The following SRBD1 variants were observed in gnomAD, a reference collection of about 807,000 sequenced individuals.
SRBD1 encodes S1 RNA binding domain 1, also known as S1 RNA-binding domain-containing protein 1.
In SRBD1, 88 loss-of-function variants were observed where a neutral mutation model predicts 115.3. The observed-to-expected ratio is 0.76, with a 90% CI of 0.64 to 0.91. SRBD1 has a LOEUF of 0.91. Ranked by LOEUF, SRBD1 falls within the 40% of genes least tolerant of loss-of-function variation. The pLI is 0.00. For missense variants in SRBD1, 1,385 were observed against 1,177.4 expected (o/e 1.18, Z -2.58); for synonymous variants, 509 against 407.7 (o/e 1.25, Z -2.99).
chr2:45,431,709 T>C (rs1668343260), intron 16 of SRBD1, among the ~76,000 whole-genome samples: 1 of 152,142 alleles, frequency 6.6e-6, no homozygotes. Flanking sequence ...CGAACCACTA[T>C]GGCACGTGTA....
At chr2:45,556,887 T>C (rs781208795) in intron 10 of SRBD1, among the ~76,000 whole-genome samples, 1 of 152,310 alleles carries the variant, frequency 6.6e-6, no homozygotes, top group East Asian at 1.9e-4. Context: ...AAGGGACTTA[T>C]AATGGTGCCT....
chr2:45,503,242 A>G (rs1347163036), intron 14 of SRBD1, among the ~76,000 whole-genome samples: 1 of 152,110 alleles, frequency 6.6e-6, no homozygotes, highest in Non-Finnish European at 1.5e-5. Context: ...TGACTTTAAT[A>G]TATTATGGAA....
intron 11 of SRBD1, 84 bp from the exon 12 acceptor site, chr2:45,551,366 T>G: frequency 7.7e-7 from 1 of 1,300,274 alleles, no homozygotes; most frequent in South Asian, 1.4e-5. Flanking sequence ...TTTGTACAAT[T>G]ATTTCTCAAA....
At chr2:45,539,521 C>A (rs1671867245) in intron 14 of SRBD1, among the ~76,000 whole-genome samples, 1 of 152,096 alleles carries the variant, frequency 6.6e-6, no homozygotes, top group South Asian at 2.1e-4. Flanking sequence ...TACTCTACCC[C>A]CAGGAGATCA....
chr2:45,435,102 C>T (rs1209899318), intron 16 of SRBD1, among the ~76,000 whole-genome samples: 1 of 152,104 alleles, frequency 6.6e-6, no homozygotes, highest in East Asian at 1.9e-4. Flanking sequence ...AGGACATGAA[C>T]TCATCCTTTT....
intron 12 of SRBD1, among the ~76,000 whole-genome samples, chr2:45,549,696 C>CA (rs10646755): frequency 0.13 from 10,971 of 84,664 alleles, 772 homozygotes; most frequent in Middle Eastern, 0.23. Flanking sequence ...ACTAAAAATA[C>CA]AAAAAAAAAA....
intron 16 of SRBD1, among the ~76,000 whole-genome samples, chr2:45,427,576 CTA>C (rs933453449): frequency 4.6e-5 from 7 of 152,176 alleles, no homozygotes; most frequent in Non-Finnish European, 7.3e-5. Context: ...GAAGAGCTAA[CTA>C]TCCTAAATAG....
At chr2:45,482,675 C>T (rs962489603) in intron 15 of SRBD1, among the ~76,000 whole-genome samples, 1 of 151,230 alleles carries the variant, frequency 6.6e-6, no homozygotes, top group East Asian at 1.9e-4. Flanking sequence ...ATAAAACATG[C>T]AGAACAAGGA....
intron 14 of SRBD1, among the ~76,000 whole-genome samples, chr2:45,496,363 AT>A (rs1670459769): frequency 6.6e-6 from 1 of 152,124 alleles, no homozygotes; most frequent in Non-Finnish European, 1.5e-5. Flanking sequence ...ATTTTGCTAT[AT>A]TTTCCCAATA....
intron 14 of SRBD1, among the ~76,000 whole-genome samples, chr2:45,491,242 T>C (rs959051907): frequency 5.3e-5 from 8 of 152,328 alleles, no homozygotes; most frequent in African/African-American, 1.7e-4. Context: ...TGGGAAATTA[T>C]TCCAATTATC....
At chr2:45,392,672 T>C (rs971598871) in intron 20 of SRBD1, among the ~76,000 whole-genome samples, 4 of 152,208 alleles carry the variant, frequency 2.6e-5, no homozygotes, top group Admixed American at 6.5e-5. Flanking sequence ...TGTGTCTCCA[T>C]GCATACAGCA....
chr2:45,465,675 A>C (rs1669465829), intron 16 of SRBD1, among the ~76,000 whole-genome samples: 1 of 152,218 alleles, frequency 6.6e-6, no homozygotes, highest in South Asian at 2.1e-4. Context: ...TTCAGGTTTA[A>C]AATTTTAAGT....
intron 2 of SRBD1, 88 bp downstream of exon 2, chr2:45,605,274 C>A (rs987847457): frequency 1.5e-5 from 20 of 1,331,784 alleles, no homozygotes; most frequent in Non-Finnish European, 2.1e-5. Context: ...ACCCACATCA[C>A]TTAAGGAGTT....
At position 45,547,565 on chromosome 2, in the gene SRBD1, A is replaced by C. The variant is rs549461979; in HGVS notation, c.1723T>G (p.Phe575Val). The change falls in exon 13 of 21, where the codon TTC becomes GTC. Residue 575 changes from phenylalanine to valine, a missense_variant. Coordinates refer to ENST00000263736, the MANE Select transcript of SRBD1 (RefSeq NM_018079.5). ...GTCTTTATTTTCTCCGCCTCTCGGA[A>C]GCCTTGTCCACAATGCAAGTAAACC... Reference protein sequence around the residue: ...DVVYLHCGQGFREAEKIKTLL... With the variant: ...DVVYLHCGQGVREAEKIKTLL... The C allele has an allele frequency of 2.2e-4, 357 of 1,613,868 alleles. 3 individuals are homozygous for C. The South Asian group carries it at 3.6e-3, about 16-fold the overall frequency.
At chr2:45,546,024 A>C (rs917989473) in intron 14 of SRBD1, 1 of 364,992 alleles carries the variant, frequency 2.7e-6, no homozygotes, top group Non-Finnish European at 3.8e-6. Context: ...TTTCTGTTAA[A>C]TATCAGCCAT....
intron 4 of SRBD1, among the ~76,000 whole-genome samples, chr2:45,590,997 A>G (rs958226870): frequency 1.3e-5 from 2 of 151,164 alleles, no homozygotes; most frequent in African/African-American, 4.9e-5. Context: ...AGCCTGGGCA[A>G]CAAGAGTGAA....
At chr2:45,397,421 A>C (rs1234226604) in intron 19 of SRBD1, among the ~76,000 whole-genome samples, 2 of 152,170 alleles carry the variant, frequency 1.3e-5, no homozygotes, top group African/African-American at 4.8e-5. Context: ...AGTGTGGCAA[A>C]CGAGGAAAAC....
At position 45,577,885 on chromosome 2, in the gene SRBD1, A is replaced by G. The variant is rs116355792; in HGVS notation, c.1072+1990T>C. Among the ~76,000 whole-genome samples the G allele has an allele frequency of 9.1e-3, 1,388 of 152,236 alleles. 21 individuals are homozygous for G. The highest frequency in any genetic ancestry group is 0.031 in the African/African-American group (1,305 of 41,532). On this transcript the variant is annotated intron_variant, in intron 7 of 20. Coordinates refer to ENST00000263736, the MANE Select transcript of SRBD1 (RefSeq NM_018079.5). Reference sequence around the variant, plus strand: ...TAATAATAATTCTACATTTTTGATCAGGGTAAAAGAAAGAGGGAGTAAAGC... The same window carrying G: ...TAATAATAATTCTACATTTTTGATCGGGGTAAAAGAAAGAGGGAGTAAAGC...
intron 16 of SRBD1, among the ~76,000 whole-genome samples, chr2:45,421,175 A>G (rs1667988104): frequency 6.6e-6 from 1 of 152,186 alleles, no homozygotes; most frequent in Admixed American, 6.5e-5. Context: ...GTAGGACACC[A>G]TTAAATGTAA....
Sources: allele counts gnomAD v4.1 joint callset (sites outside exome capture counted in the v4.1 genomes callset), GRCh38; gene constraint gnomAD v4.1.1; transcripts MANE v1.5; gene names NCBI Gene and HGNC (gene_info 2026-07-23, HGNC 2026-07-21).